GIT2: variants seen among roughly 807,000 people sequenced by gnomAD.
GIT2 encodes the protein ARF GTPase-activating protein GIT2.
A neutral mutation model predicts 100.3 loss-of-function variants in GIT2; 32 were observed. The ratio of observed to expected loss-of-function variants is 0.32; its 90% CI spans 0.24 to 0.43. The LOEUF (loss-of-function observed/expected upper bound fraction) is 0.43, where lower values mean the gene tolerates loss of function less well. Ranked by LOEUF, GIT2 falls within the 20% of genes least tolerant of loss-of-function variation. The pLI is 1.00. For synonymous variants in GIT2, 353 were observed against 364.1 expected, an observed-to-expected ratio of 0.97 and a Z score of 0.35; for missense variants, 737 against 975.1, an observed-to-expected ratio of 0.76 and a Z score of 3.25.
chr12:109,984,640 TCTCA>T (rs1287979766), intron 4 of GIT2, among the ~76,000 whole-genome samples: 1 of 151,814 alleles, frequency 6.6e-6, no homozygotes, highest in Non-Finnish European at 1.5e-5. Flanking sequence ...ACAGATGAGG[TCTCA>T]CTATGTTGCC....
upstream of GIT2, among the ~76,000 whole-genome samples, chr12:109,996,544 C>A (rs749457775): frequency 2.0e-5 from 3 of 152,246 alleles, no homozygotes; most frequent in Non-Finnish European, 4.4e-5. Flanking sequence ...CTCGTCCCAA[C>A]TGATTAATAC....
intron 7 of GIT2, among the ~76,000 whole-genome samples, chr12:109,974,686 A>G (rs1408891693): frequency 6.6e-6 from 1 of 152,186 alleles, no homozygotes; most frequent in Non-Finnish European, 1.5e-5. Flanking sequence ...GACCCAGGAT[A>G]TGGTCTATCT....
intron 4 of GIT2, 48 bp downstream of exon 4, chr12:109,988,915 A>G (rs1399733501): frequency 1.0e-6 from 1 of 987,882 alleles, no homozygotes; most frequent in South Asian, 1.4e-5. Flanking sequence ...ATAAAACAAT[A>G]TGCTGTCTCA....
upstream of GIT2, chr12:109,998,093 TGAA>T (rs1889699667): frequency 1.3e-5 from 2 of 152,296 alleles, no homozygotes; most frequent in Admixed American, 6.5e-5. Context: ...CACGGCATGA[TGAA>T]GAAGAAGGAG....
chr12:109,973,969 G>A (rs1884506431), intron 7 of GIT2, among the ~76,000 whole-genome samples: 1 of 150,724 alleles, frequency 6.6e-6, no homozygotes, highest in Non-Finnish European at 1.5e-5. Flanking sequence ...TTGAACCTGG[G>A]AGGGGGAGGT....
intron 9 of GIT2, among the ~76,000 whole-genome samples, chr12:109,965,226 G>C (rs754123438): frequency 1.7e-4 from 26 of 152,170 alleles, no homozygotes; most frequent in Non-Finnish European, 3.4e-4. Context: ...TCATGACACT[G>C]AGAGGAACTA....
upstream of GIT2, chr12:109,999,490 G>T (rs1889821122): frequency 7.0e-6 from 2 of 283,970 alleles, no homozygotes; most frequent in Admixed American, 1.1e-4. This position sits in a 1 kb window ranked among gnomAD's most constrained non-coding sequence, Gnocchi z 4.3. Context: ...GGGTGGGCGC[G>T]GCCGACCTGG....
At chr12:109,991,558 TTTAAG>T in intron 2 of GIT2, 64 bp downstream of exon 2, 1 of 1,266,086 alleles carries the variant, frequency 7.9e-7, no homozygotes, top group Non-Finnish European at 1.1e-6. Flanking sequence ...CCAGGAGAAA[TTTAAG>T]TTATTAACAT....
At chr12:109,980,591 T>G (rs1022805438) in intron 7 of GIT2, among the ~76,000 whole-genome samples, 2 of 152,188 alleles carry the variant, frequency 1.3e-5, no homozygotes, top group Non-Finnish European at 2.9e-5. Flanking sequence ...TTTTTTCCAT[T>G]CCTTAAGAAG....
chr12:109,968,752 T>C (rs980782155), intron 7 of GIT2, among the ~76,000 whole-genome samples: 12 of 149,982 alleles, frequency 8.0e-5, no homozygotes, highest in African/African-American at 2.7e-4. Context: ...AGGGTCTCAC[T>C]CTGCCCCCCA....
intron 7 of GIT2, among the ~76,000 whole-genome samples, chr12:109,979,581 C>G (rs1226272677): frequency 6.6e-6 from 1 of 151,900 alleles, no homozygotes; most frequent in African/African-American, 2.4e-5. Flanking sequence ...CAGAAAAAGG[C>G]TTTTTTGCAC....
chr12:109,967,626 T>C (rs1044097037), intron 7 of GIT2, 123 bp from the exon 8 acceptor site: 5 of 725,642 alleles, frequency 6.9e-6, no homozygotes, highest in South Asian at 6.4e-5. Context: ...TGACGAGTCA[T>C]GTTGCTAGAC....
upstream of GIT2, chr12:109,999,596 C>T (rs964260704): frequency 1.8e-5 from 19 of 1,070,456 alleles, no homozygotes; most frequent in East Asian, 3.2e-5. This position sits in a 1 kb window ranked among gnomAD's most constrained non-coding sequence, Gnocchi z 4.3. Context: ...CTCGCTTGCT[C>T]GCCGGCCTCA....
In GIT2 at chr12:109,953,195, T is replaced by C. The variant is rs1565955382; in HGVS notation, c.1139A>G (p.His380Arg). 4.3e-6 allele frequency: 7 copies of C among 1,613,986 alleles called. No individual in the cohort carries two copies. Among genetic ancestry groups the C allele is most frequent in the Non-Finnish European group, 5.9e-6 (7 of 1,179,812 alleles). Residue 380 changes from histidine to arginine, a missense_variant, in exon 13 of 20, where the codon CAC (histidine) becomes CGC (arginine). Physicochemically the swap from His to Arg is conservative, Grantham distance 29. This residue lies in a region of GIT2 where 451 missense variants were observed against 543.7 expected (regional missense o/e 0.83). Coordinates refer to ENST00000355312, the MANE Select transcript of GIT2 (RefSeq NM_057169.5). ...ELILKTINNQ[H>R]SVESQDNDQP... Reference sequence around the variant, plus strand: ...ATCGTTGTCTTGACTCTCAACGCTGTGCTGGTTATTGATGGTTTTCAGTAT... The same window carrying C: ...ATCGTTGTCTTGACTCTCAACGCTGCGCTGGTTATTGATGGTTTTCAGTAT...
intron 8 of GIT2, 172 bp from the exon 9 acceptor site, chr12:109,965,749 G>A (rs1035520142): frequency 4.0e-6 from 3 of 747,900 alleles, no homozygotes; most frequent in Middle Eastern, 2.3e-4. Flanking sequence ...AGAACAATCT[G>A]GTGAAAGTAA....
At chr12:109,961,220 T>C (rs1880952987) in intron 11 of GIT2, 58 bp downstream of exon 11, 1 of 953,530 alleles carries the variant, frequency 1.0e-6, no homozygotes, top group African/African-American at 1.6e-5. Context: ...CTGGGAAAAA[T>C]GAAACATGAC....
At chr12:109,995,029 T>C (rs1000154710) in intron 1 of GIT2, among the ~76,000 whole-genome samples, 2 of 152,220 alleles carry the variant, frequency 1.3e-5, no homozygotes, top group Non-Finnish European at 2.9e-5. Flanking sequence ...CACTTCCAAA[T>C]GACAAGCTTA....
chr12:109,965,139 A>G (rs1353768031), intron 9 of GIT2, among the ~76,000 whole-genome samples: 2 of 152,178 alleles, frequency 1.3e-5, no homozygotes, highest in African/African-American at 2.4e-5. Flanking sequence ...GGGACTCGCC[A>G]CCATTTCAGC....
intron 4 of GIT2, among the ~76,000 whole-genome samples, chr12:109,988,554 C>T (rs1887811198): frequency 6.6e-6 from 1 of 151,466 alleles, no homozygotes. Flanking sequence ...AAAAAACAAA[C>T]GAAAAACAAA....
Sources: allele counts gnomAD v4.1 joint callset (sites outside exome capture counted in the v4.1 genomes callset), GRCh38; gene constraint gnomAD v4.1.1; regional missense constraint gnomAD v4.1.1; non-coding constraint Gnocchi (gnomAD v3.1); transcripts MANE v1.5; gene names NCBI Gene and HGNC (gene_info 2026-07-23, HGNC 2026-07-21).